Variants in CSMD1 observed in about 807,000 individuals in gnomAD.
CSMD1 encodes the protein CUB and sushi domain-containing protein 1.
In CSMD1, 213 loss-of-function variants were observed where a neutral mutation model predicts 417.5. The observed-to-expected ratio is 0.51, with a 90% CI of 0.46 to 0.57. The LOEUF (loss-of-function observed/expected upper bound fraction) is 0.57, where lower values mean the gene tolerates loss of function less well. Among genes scored for constraint, CSMD1 ranks in the 20% least tolerant of loss-of-function variants. The probability of loss-of-function intolerance (pLI) is 0.00; values close to 1 mark genes in which losing one functional copy is unlikely to be tolerated. For missense variants in CSMD1, 6,923 were observed against 4,529.7 expected, an observed-to-expected ratio of 1.53 and a Z score of -15.17; for synonymous variants, 2,862 against 1,736.8, an observed-to-expected ratio of 1.65 and a Z score of -16.11.
intron 3 of CSMD1, among the ~76,000 whole-genome samples, chr8:4,390,334 G>C (rs1289842575): frequency 1.3e-5 from 2 of 152,054 alleles, no homozygotes; most frequent in African/African-American, 4.8e-5. Context: ...AGAAGGAAAA[G>C]AGAAATAACC....
chr8:3,700,186 A>T (rs1170909713), intron 7 of CSMD1, among the ~76,000 whole-genome samples: 1 of 152,196 alleles, frequency 6.6e-6, no homozygotes, highest in Non-Finnish European at 1.5e-5. Flanking sequence ...GTGCACCAAC[A>T]TCTCACAAAT....
In CSMD1 at chr8:3,583,550, G is replaced by C. The variant is rs114823676; in HGVS notation, c.1222+2586C>G. On this transcript the variant is annotated intron_variant, in intron 9 of 69. Transcript: ENST00000635120. ...AAACACAGATGGACAGCTAAGGAGAGTTGCAGGCCATGTGTCCAAGAGGCC... is the reference window on the plus strand; with the variant it reads ...AAACACAGATGGACAGCTAAGGAGACTTGCAGGCCATGTGTCCAAGAGGCC... Among the ~76,000 whole-genome samples, 1,093 of 152,142 alleles carry C rather than the reference G, an allele frequency of 7.2e-3. 15 individuals are homozygous for C. Among genetic ancestry groups the C allele is most frequent in the African/African-American group, 0.024 (976 of 41,498 alleles).
chr8:3,240,929 A>G (rs1378622669), intron 26 of CSMD1, among the ~76,000 whole-genome samples: 3 of 152,010 alleles, frequency 2.0e-5, no homozygotes, highest in Non-Finnish European at 2.9e-5. Flanking sequence ...ACAGGCTTTA[A>G]TCCTTTTAAA....
chr8:4,790,569 C>T lies in CSMD1; in HGVS notation c.86-153011G>A, dbSNP rs6995824. 7.2e-3 allele frequency among the ~76,000 whole-genome samples: 1,101 copies of T among 152,166 alleles called. 15 individuals are homozygous for T. Among genetic ancestry groups the T allele is most frequent in the African/African-American group, 0.024 (980 of 41,528 alleles). On this transcript the variant is annotated intron_variant, in intron 1 of 69. Transcript: ENST00000635120. ...ACAAAGCTGGAAGCATCACACAGCC[C>T]GACTTTAAGCTATACAACCAAGCTA... is the stretch of plus-strand genomic sequence containing the variant.
At chr8:4,362,192 C>T (rs1039450091) in intron 3 of CSMD1, among the ~76,000 whole-genome samples, 4 of 152,160 alleles carry the variant, frequency 2.6e-5, no homozygotes, top group Non-Finnish European at 5.9e-5. Flanking sequence ...AAGTCCATTA[C>T]ATCTGTATTT....
chr8:3,813,163 A>G (rs1288664327), intron 5 of CSMD1, among the ~76,000 whole-genome samples: 1 of 150,708 alleles, frequency 6.6e-6, no homozygotes, highest in African/African-American at 2.4e-5. Flanking sequence ...ACACAATTAC[A>G]TTTCAAAGAA....
At chr8:2,954,160 T>C in intron 65 of CSMD1, 64 bp downstream of exon 65, 2 of 793,166 alleles carry the variant, frequency 2.5e-6, no homozygotes, top group Non-Finnish European at 1.9e-6. Context: ...ATAGTTTCAC[T>C]GTGCAGAGTA....
intron 11 of CSMD1, among the ~76,000 whole-genome samples, chr8:3,484,640 A>C (rs991712226): frequency 1.2e-4 from 19 of 152,228 alleles, no homozygotes; most frequent in African/African-American, 4.6e-4. Flanking sequence ...ACATGAAGAA[A>C]GTGAAAAGAC....
rs182675107 is a variant in CSMD1 at position 3,535,136 on chromosome 8, T to C, written c.1344+39809A>G. 4.6e-5 allele frequency among the ~76,000 whole-genome samples: 7 copies of C among 151,962 alleles called. No homozygotes were observed. The East Asian group carries it at 1.4e-3, about 30-fold the overall frequency. ...TAATATTTTTTTTTTTTAATTTATATAGAGACAGGGTCTCACCATGGTGCC... is the reference window on the plus strand; with the variant it reads ...TAATATTTTTTTTTTTTAATTTATACAGAGACAGGGTCTCACCATGGTGCC... On this transcript the variant is annotated intron_variant, in intron 10 of 69. Coordinates refer to ENST00000635120, the MANE Select transcript of CSMD1 (RefSeq NM_033225.6).
At chr8:4,280,043 C>G (rs997961271) in intron 3 of CSMD1, among the ~76,000 whole-genome samples, 7 of 152,240 alleles carry the variant, frequency 4.6e-5, no homozygotes, top group African/African-American at 1.7e-4. Context: ...ACAGTGAACT[C>G]ATAGCTAGAA....
At chr8:4,536,040 C>G (rs533133875) in intron 2 of CSMD1, among the ~76,000 whole-genome samples, 1 of 152,114 alleles carries the variant, frequency 6.6e-6, no homozygotes, top group Admixed American at 6.5e-5. Flanking sequence ...TTTTTGAAAA[C>G]AGCTGAAAAT....
At chr8:3,466,611 A>T (rs1422805004) in intron 12 of CSMD1, among the ~76,000 whole-genome samples, 1 of 107,602 alleles carries the variant, frequency 9.3e-6, no homozygotes, top group African/African-American at 3.8e-5. Context: ...TATTCTGAGG[A>T]GAGATAGGGG....
At chr8:4,047,926 G>C (rs766567871) in intron 3 of CSMD1, among the ~76,000 whole-genome samples, 7 of 152,176 alleles carry the variant, frequency 4.6e-5, no homozygotes, top group Non-Finnish European at 1.0e-4. Context: ...TAAAAATTAG[G>C]ATTGTTTTCC....
chr8:3,973,006 T>A (rs953245142), intron 5 of CSMD1, among the ~76,000 whole-genome samples: 10 of 152,376 alleles, frequency 6.6e-5, no homozygotes, highest in Admixed American at 2.0e-4. Flanking sequence ...AATTTTACAT[T>A]TATTTTTCTC....
intron 5 of CSMD1, among the ~76,000 whole-genome samples, chr8:3,965,718 G>A (rs772109301): frequency 5.3e-5 from 8 of 151,932 alleles, no homozygotes; most frequent in South Asian, 2.1e-4. Context: ...CCCACTTTCC[G>A]GAGATTCTCC....
intron 3 of CSMD1, among the ~76,000 whole-genome samples, chr8:4,231,437 G>T (rs890074204): frequency 6.6e-6 from 1 of 152,168 alleles, no homozygotes; most frequent in East Asian, 1.9e-4. Flanking sequence ...AAAAGTGATA[G>T]GTGTAGAGAT....
chr8:4,901,122 A>G (rs1157155905), intron 1 of CSMD1, among the ~76,000 whole-genome samples: 1 of 152,370 alleles, frequency 6.6e-6, no homozygotes, highest in South Asian at 2.1e-4. Flanking sequence ...TCAGTATTAC[A>G]CAGCAATTGC....
At chr8:3,276,240 T>TGGG (rs1802281439) in intron 26 of CSMD1, among the ~76,000 whole-genome samples, 1 of 152,160 alleles carries the variant, frequency 6.6e-6, no homozygotes, top group African/African-American at 2.4e-5. Flanking sequence ...TTAGGCTTCT[T>TGGG]GGGGGTCAGG....
chr8:3,660,568 A>T (rs1798363234), intron 7 of CSMD1, among the ~76,000 whole-genome samples: 1 of 110,954 alleles, frequency 9.0e-6, no homozygotes. Flanking sequence ...CAGTCCAGGC[A>T]AGAGTGCAGT....
Sources: gnomAD v4.1 joint callset for allele counts (sites outside exome capture counted in the v4.1 genomes callset) on GRCh38, gnomAD v4.1.1 for gene constraint, MANE v1.5 for transcripts, NCBI Gene and HGNC (gene_info 2026-07-23, HGNC 2026-07-21) for gene names.